RALYL: variants seen among roughly 807,000 people sequenced by gnomAD.
The protein encoded by RALYL is RNA-binding Raly-like protein.
In RALYL, 29 loss-of-function variants were observed where a neutral mutation model predicts 35.1. The observed-to-expected ratio is 0.83, with a 90% CI of 0.61 to 1.13. The LOEUF (loss-of-function observed/expected upper bound fraction) is 1.13. Ranked by LOEUF, RALYL falls within the 50% of genes most tolerant of loss-of-function variation. RALYL has a pLI of 0.00. For synonymous variants in RALYL, 120 were observed against 127.6 expected (o/e 0.94, Z 0.40); for missense variants, 359 against 360.4 (o/e 1.00, Z 0.03).
chr8:84,619,999 C>A (rs1385515243), intron 2 of RALYL, among the ~76,000 whole-genome samples: 1 of 151,818 alleles, frequency 6.6e-6, no homozygotes, highest in East Asian at 1.9e-4. Context: ...GAGGGTAACC[C>A]GACCTTTCTC....
chr8:84,903,792 G>A (rs979896489), intron 8 of RALYL, among the ~76,000 whole-genome samples: 1 of 152,108 alleles, frequency 6.6e-6, no homozygotes, highest in African/African-American at 2.4e-5. Context: ...TTCCCGTCTT[G>A]TAAATTATTC....
intron 1 of RALYL, among the ~76,000 whole-genome samples, chr8:84,236,237 C>A (rs1004283960): frequency 6.6e-6 from 1 of 152,114 alleles, no homozygotes; most frequent in Non-Finnish European, 1.5e-5. Flanking sequence ...TATTTATCAA[C>A]AAGTTTTTGC....
At chr8:84,210,550 A>G in intron 1 of RALYL, among the ~76,000 whole-genome samples, 1 of 152,118 alleles carries the variant, frequency 6.6e-6, no homozygotes, top group East Asian at 1.9e-4. Context: ...AAGAGTCAAA[A>G]TAGAAATAAA....
intron 1 of RALYL, among the ~76,000 whole-genome samples, chr8:84,471,130 T>C (rs2052685483): frequency 6.6e-6 from 1 of 152,260 alleles, no homozygotes; most frequent in African/African-American, 2.4e-5. Flanking sequence ...ACAAAGTAAG[T>C]GTTGATTTTC....
At position 84,580,535 on chromosome 8, in the gene RALYL, G is replaced by A. The variant is rs188043221; in HGVS notation, c.256+50958G>A. On this transcript the variant is annotated intron_variant, in intron 2 of 8. Transcript: ENST00000521268. ...TAATACAGCAAGAAGTCATTCACCT[G>A]GTGAAGGATCCATCACCATGACCCA... is the stretch of plus-strand genomic sequence containing the variant. 1.8e-3 allele frequency among the ~76,000 whole-genome samples: 278 copies of A among 152,172 alleles called. 2 individuals are homozygous for A. Among genetic ancestry groups the A allele is most frequent in the African/African-American group, 6.6e-3 (272 of 41,522 alleles).
chr8:84,368,515 T>G (rs920110099), intron 1 of RALYL, among the ~76,000 whole-genome samples: 1 of 152,150 alleles, frequency 6.6e-6, no homozygotes, highest in South Asian at 2.1e-4. Context: ...TACCTGAGAC[T>G]GGCCAATTTA....
intron 1 of RALYL, among the ~76,000 whole-genome samples, chr8:84,343,026 G>T (rs1008657016): frequency 1.3e-5 from 2 of 152,028 alleles, no homozygotes; most frequent in Non-Finnish European, 2.9e-5. Context: ...AAGTAAAGAA[G>T]TCACTCTTCA....
intron 2 of RALYL, among the ~76,000 whole-genome samples, chr8:84,642,200 A>G (rs1301726118): frequency 2.0e-5 from 3 of 152,008 alleles, no homozygotes; most frequent in Non-Finnish European, 4.4e-5. Flanking sequence ...TAGCATCACA[A>G]ACTCATTGAC....
intron 1 of RALYL, among the ~76,000 whole-genome samples, chr8:84,388,132 G>A (rs1426711558): frequency 6.6e-6 from 1 of 152,026 alleles, no homozygotes; most frequent in East Asian, 1.9e-4. Flanking sequence ...TGAGAATGAT[G>A]ATTTCCAATT....
At chr8:84,676,391 A>T (rs528936238) in intron 2 of RALYL, among the ~76,000 whole-genome samples, 24 of 152,320 alleles carry the variant, frequency 1.6e-4, no homozygotes, top group Admixed American at 1.1e-3. Context: ...ACAAAGCTTG[A>T]TTGTAGGCAT....
At chr8:84,480,622 G>T (rs748853339) in intron 1 of RALYL, among the ~76,000 whole-genome samples, 15 of 152,134 alleles carry the variant, frequency 9.9e-5, no homozygotes, top group Non-Finnish European at 1.8e-4. Context: ...GAGATGGGAA[G>T]AAGAAAGCCA....
rs74447179 is a variant in RALYL, at chr8:84,778,227, C to T, written c.332+3573C>T. On this transcript the variant is annotated intron_variant, in intron 3 of 8. Transcript: ENST00000521268. ...CTATTTGGACCACTAAGTGAACTGC[C>T]GCCAGACTTTCTTCTTCACGTACAT... Among the ~76,000 whole-genome samples the T allele has an allele frequency of 1.3e-3, 198 of 152,240 alleles. 1 individual carries two copies. Among genetic ancestry groups the T allele is most frequent in the African/African-American group, 4.5e-3 (186 of 41,534 alleles).
chr8:84,762,736 C>T (rs1316224148), intron 2 of RALYL, among the ~76,000 whole-genome samples: 1 of 151,976 alleles, frequency 6.6e-6, no homozygotes, highest in Non-Finnish European at 1.5e-5. Context: ...ATAATAAGAC[C>T]CACACCACAA....
intron 1 of RALYL, among the ~76,000 whole-genome samples, chr8:84,458,055 A>G (rs2050336569): frequency 6.6e-6 from 1 of 151,866 alleles, no homozygotes; most frequent in African/African-American, 2.4e-5. Flanking sequence ...AGCCTAAAAG[A>G]CCATTGGCAT....
chr8:84,387,180 A>G (rs1859406996), intron 1 of RALYL, among the ~76,000 whole-genome samples: 1 of 151,880 alleles, frequency 6.6e-6, no homozygotes, highest in Non-Finnish European at 1.5e-5. Context: ...AAAACCAACA[A>G]TAACTCATAT....
intron 7 of RALYL, among the ~76,000 whole-genome samples, chr8:84,881,171 A>G (rs1032476283): frequency 1.3e-5 from 2 of 151,970 alleles, no homozygotes; most frequent in Non-Finnish European, 2.9e-5. Flanking sequence ...AAAACATTCT[A>G]TGTAATTTTC....
At chr8:84,295,655 GCT>G (rs1839618884) in intron 1 of RALYL, among the ~76,000 whole-genome samples, 1 of 151,938 alleles carries the variant, frequency 6.6e-6, no homozygotes, top group Non-Finnish European at 1.5e-5. Context: ...GACAGTTTTT[GCT>G]CTCTTTTTAC....
In RALYL at chr8:84,414,722, GTC is replaced by G. The variant is rs535389963; in HGVS notation, c.-23-114575_-23-114574del. Among the ~76,000 whole-genome samples, 400 of 152,204 alleles carry G rather than the reference GTC, an allele frequency of 2.6e-3. 3 individuals carry two copies. The highest frequency in any genetic ancestry group is 3.7e-3 in the Non-Finnish European group (250 of 67,996). ...ATGAATTGTTTTTATTTGTTTGTGT[GTC>G]TGTTTGCATTTTCCCATGGCTTGCT... On this transcript the variant is annotated intron_variant, in intron 1 of 8. Coordinates refer to ENST00000521268, the MANE Select transcript of RALYL (RefSeq NM_173848.7).
chr8:84,384,085 T>C (rs1269998882), intron 1 of RALYL, among the ~76,000 whole-genome samples: 1 of 151,824 alleles, frequency 6.6e-6, no homozygotes, highest in Non-Finnish European at 1.5e-5. Flanking sequence ...TCTTTACTTA[T>C]TCTCATTTTT....
Sources: gnomAD v4.1 joint callset for allele counts (sites outside exome capture counted in the v4.1 genomes callset) on GRCh38, gnomAD v4.1.1 for gene constraint, MANE v1.5 for transcripts, NCBI Gene and HGNC (gene_info 2026-07-23, HGNC 2026-07-21) for gene names.